Variants in THSD7A observed in about 807,000 individuals in gnomAD.
THSD7A encodes the protein thrombospondin type 1 domain containing 7A.
THSD7A carries 96 observed loss-of-function variants against 231.3 expected under a neutral mutation model. The observed-to-expected ratio is 0.41, with a 90% CI of 0.35 to 0.49. THSD7A has a LOEUF of 0.49. THSD7A is among the 20% of genes least tolerant of loss of function. The pLI is 0.05. For missense variants in THSD7A, 2,290 were observed against 2,070.2 expected, an observed-to-expected ratio of 1.11 and a Z score of -2.06; for synonymous variants, 940 against 743.3, an observed-to-expected ratio of 1.26 and a Z score of -4.30.
intron 16 of THSD7A, among the ~76,000 whole-genome samples, chr7:11,419,788 T>C (rs978103822): frequency 1.3e-5 from 2 of 152,146 alleles, no homozygotes; most frequent in African/African-American, 4.8e-5. Flanking sequence ...GATGGTGAAA[T>C]CCAGGCTGAG....
rs573785997 is a variant in THSD7A at position 11,642,443 on chromosome 7, C to T, written c.191-5482G>A. On this transcript the variant is annotated intron_variant, in intron 1 of 27. Transcript: ENST00000423059. ...CCCTGTGAATGAAAATGTATTCCTG[C>T]ATACAGATTTGTAGGATGGTGTTTA... Among the ~76,000 whole-genome samples the T allele has an allele frequency of 2.6e-5, 4 of 152,198 alleles. No homozygotes were observed. In the East Asian group the frequency reaches 7.7e-4, roughly 29 times the overall value.
At chr7:11,495,291 T>C (rs1250879271) in intron 6 of THSD7A, among the ~76,000 whole-genome samples, 6 of 152,196 alleles carry the variant, frequency 3.9e-5, no homozygotes, top group African/African-American at 1.4e-4. Flanking sequence ...TTTTATAATA[T>C]GTGGCTCAGA....
At chr7:11,599,395 G>A (rs1780474585) in intron 2 of THSD7A, among the ~76,000 whole-genome samples, 1 of 152,142 alleles carries the variant, frequency 6.6e-6, no homozygotes, top group Admixed American at 6.5e-5. Context: ...CGACCACGTG[G>A]CCAGCTGCAG....
At chr7:11,504,030 T>C (rs1403085032) in intron 6 of THSD7A, among the ~76,000 whole-genome samples, 1 of 152,166 alleles carries the variant, frequency 6.6e-6, no homozygotes, top group Non-Finnish European at 1.5e-5. Context: ...TGCAGCACTT[T>C]TCACAATAGC....
At chr7:11,800,274 C>T (rs1008359035) in intron 1 of THSD7A, among the ~76,000 whole-genome samples, 33 of 152,146 alleles carry the variant, frequency 2.2e-4, no homozygotes, top group African/African-American at 5.6e-4. Context: ...TTGAGCCAGG[C>T]GCGGTGGCTC....
At chr7:11,697,403 T>C (rs1780436301) in intron 1 of THSD7A, among the ~76,000 whole-genome samples, 1 of 151,362 alleles carries the variant, frequency 6.6e-6, no homozygotes, top group South Asian at 2.1e-4. Flanking sequence ...TTTTATGTGG[T>C]TTCATATTTT....
At chr7:11,392,835 T>C (rs1783037338) in intron 23 of THSD7A, among the ~76,000 whole-genome samples, 1 of 152,230 alleles carries the variant, frequency 6.6e-6, no homozygotes, top group Non-Finnish European at 1.5e-5. Context: ...CTCTCTAGAT[T>C]CCTTCTCCCT....
intron 4 of THSD7A, among the ~76,000 whole-genome samples, chr7:11,545,303 A>G (rs1039513823): frequency 2.6e-5 from 4 of 152,188 alleles, no homozygotes; most frequent in South Asian, 2.1e-4. Flanking sequence ...TTTTGAAATA[A>G]TAATTTATAT....
At chr7:11,498,644 A>C (rs1787207592) in intron 6 of THSD7A, among the ~76,000 whole-genome samples, 1 of 152,136 alleles carries the variant, frequency 6.6e-6, no homozygotes, top group Non-Finnish European at 1.5e-5. Context: ...ACTGCTTTTT[A>C]AAGCAGGTCC....
chr7:11,781,178 T>G (rs1241391074), intron 1 of THSD7A, among the ~76,000 whole-genome samples: 1 of 152,038 alleles, frequency 6.6e-6, no homozygotes, highest in African/African-American at 2.4e-5. Flanking sequence ...CAGTGGCTCA[T>G]GCCTGTAATC....
rs575604077 is a variant in THSD7A, at chr7:11,439,904, C to T, written c.3064+6157G>A. On this transcript the variant is annotated intron_variant, in intron 13 of 27. Coordinates refer to ENST00000423059, the MANE Select transcript of THSD7A (RefSeq NM_015204.3). Reference sequence around the variant, plus strand: ...AGATTAAGATGACTACATTAAGCAACAGATTTTTCAATGTAGATGAAACAG... The same window carrying T: ...AGATTAAGATGACTACATTAAGCAATAGATTTTTCAATGTAGATGAAACAG... Among the ~76,000 whole-genome samples, 3 of 152,100 alleles carry T rather than the reference C, an allele frequency of 2.0e-5. No homozygotes were observed. In the East Asian group the frequency reaches 5.8e-4, roughly 29 times the overall value.
chr7:11,719,620 T>A (rs2128152391), intron 1 of THSD7A, among the ~76,000 whole-genome samples: 1 of 151,738 alleles, frequency 6.6e-6, no homozygotes, highest in East Asian at 2.0e-4. Flanking sequence ...ATCCCCTCAA[T>A]GAGTTATTTT....
intron 1 of THSD7A, among the ~76,000 whole-genome samples, chr7:11,690,418 T>C (rs930038407): frequency 6.6e-6 from 1 of 151,828 alleles, no homozygotes; most frequent in African/African-American, 2.4e-5. Context: ...TCTCAAGCTC[T>C]ATTTCCTGAA....
Position 11,463,208 on chromosome 7 carries a change from T to C in THSD7A, c.2369-1065A>G, listed in dbSNP as rs898896725. ...TACTGTGGTGGTGGAGAAAGTATGA[T>C]TTGATGATTAGAACATTGCCATAAT... On this transcript the variant is annotated intron_variant, in intron 9 of 27. Transcript: ENST00000423059. Among the ~76,000 whole-genome samples, 7 of 152,186 alleles carry C rather than the reference T, an allele frequency of 4.6e-5. No individual in the cohort carries two copies. In the South Asian group the frequency reaches 1.4e-3, roughly 31 times the overall value.
At chr7:11,379,842 A>C in intron 24 of THSD7A, 130 bp from the exon 25 acceptor site, 2 of 992,280 alleles carry the variant, frequency 2.0e-6, no homozygotes, top group Admixed American at 2.1e-5. Flanking sequence ...TCAGTGGTTG[A>C]CTGTGAAATA....
At chr7:11,740,431 C>G (rs1395364799) in intron 1 of THSD7A, among the ~76,000 whole-genome samples, 1 of 151,964 alleles carries the variant, frequency 6.6e-6, no homozygotes, top group African/African-American at 2.4e-5. Flanking sequence ...ACATCTGTAA[C>G]ACAATTCGGA....
chr7:11,387,197 CT>C (rs886095279), intron 23 of THSD7A, among the ~76,000 whole-genome samples: 1 of 152,216 alleles, frequency 6.6e-6, no homozygotes, highest in South Asian at 2.1e-4. Context: ...TATGCGGGCT[CT>C]TTTTTTGTTC....
rs1446609585 is a variant in THSD7A at position 11,447,414 on chromosome 7, A to G, written c.2616T>C (p.Cys872=). The G allele has an allele frequency of 6.4e-7, 1 of 1,566,168 alleles. No homozygotes were observed. ...GPGRQARAIT[C]RKQDGGQAGI... ...CAGCCTGTCCTCCATCTTGCTTGCG[A>G]CAAGTAATGGCTAAAAGAAAAGCAT... The change falls in exon 12 of 28, where the codon TGT becomes TGC. Residue 872 remains cysteine (C), a synonymous_variant. Coordinates refer to ENST00000423059, the MANE Select transcript of THSD7A (RefSeq NM_015204.3).
chr7:11,631,776 C>T (rs1407623431), intron 2 of THSD7A, among the ~76,000 whole-genome samples: 1 of 152,168 alleles, frequency 6.6e-6, no homozygotes, highest in Non-Finnish European at 1.5e-5. Flanking sequence ...AGATAAAGAA[C>T]TTATTTTCAG....
Sources: gnomAD v4.1 joint callset for allele counts (sites outside exome capture counted in the v4.1 genomes callset) on GRCh38, gnomAD v4.1.1 for gene constraint, MANE v1.5 for transcripts, NCBI Gene and HGNC (gene_info 2026-07-23, HGNC 2026-07-21) for gene names.